Variants in MANBA observed in about 807,000 individuals in gnomAD.
MANBA encodes the protein beta-mannosidase.
A neutral mutation model predicts 111.1 loss-of-function variants in MANBA; 83 were observed. The observed-to-expected ratio is 0.75, with a 90% CI of 0.63 to 0.90. The LOEUF (loss-of-function observed/expected upper bound fraction) is 0.90, where lower values mean the gene tolerates loss of function less well. MANBA is among the 40% of genes least tolerant of loss of function. MANBA has a pLI of 0.00. For missense variants in MANBA, 1,036 were observed against 1,069.0 expected, an observed-to-expected ratio of 0.97 and a Z score of 0.43; for synonymous variants, 370 against 378.7, an observed-to-expected ratio of 0.98 and a Z score of 0.27.
intron 2 of MANBA, among the ~76,000 whole-genome samples, chr4:102,726,191 T>C (rs535539378): frequency 5.7e-4 from 86 of 152,102 alleles, no homozygotes; most frequent in African/African-American, 1.5e-3. Context: ...CTACCTCATA[T>C]GGAAATATTT....
chr4:102,734,465 T>C lies in MANBA; in HGVS notation c.178-7782A>G, dbSNP rs554689060. ...TGGGAGCCATCTTCCAGCTCATCTGTGTGCTGGCCATCATCATACCCATTC... is the reference window on the plus strand; with the variant it reads ...TGGGAGCCATCTTCCAGCTCATCTGCGTGCTGGCCATCATCATACCCATTC... On this transcript the variant is annotated intron_variant, in intron 1 of 16. Transcript: ENST00000647097. 3.5e-5 allele frequency: 56 copies of C among 1,604,664 alleles called. No individual in the cohort carries two copies. In the African/African-American group the frequency reaches 5.7e-4, roughly 16 times the overall value.
At chr4:102,705,843 T>C (rs1029952897) in intron 5 of MANBA, among the ~76,000 whole-genome samples, 2 of 152,122 alleles carry the variant, frequency 1.3e-5, no homozygotes, top group Non-Finnish European at 2.9e-5. Context: ...CCACCACTGT[T>C]GGTACCTCAG....
intron 12 of MANBA, 124 bp from the exon 13 acceptor site, chr4:102,650,825 G>A: frequency 1.3e-6 from 1 of 749,108 alleles, no homozygotes; most frequent in South Asian, 1.6e-5. Flanking sequence ...TTGTTCTGTG[G>A]CTCCAGTTTC....
intron 1 of MANBA, among the ~76,000 whole-genome samples, chr4:102,743,519 G>C (rs1278931050): frequency 1.3e-5 from 2 of 152,150 alleles, no homozygotes; most frequent in African/African-American, 2.4e-5. Flanking sequence ...TCTGTCAACT[G>C]ATAATAGGGA....
At chr4:102,665,166 G>A in intron 10 of MANBA, 1 of 269,228 alleles carries the variant, frequency 3.7e-6, no homozygotes, top group Non-Finnish European at 7.1e-6. Context: ...TCACTCTGTG[G>A]ATTGCCACAA....
chr4:102,638,436 AC>A (rs1206295497), intron 14 of MANBA, among the ~76,000 whole-genome samples: 1 of 148,144 alleles, frequency 6.8e-6, no homozygotes, highest in Non-Finnish European at 1.5e-5. Flanking sequence ...CAACAAAAAA[AC>A]AAAACAAAAC....
chr4:102,681,861 C>G (rs1731993838), intron 7 of MANBA, among the ~76,000 whole-genome samples: 1 of 152,022 alleles, frequency 6.6e-6, no homozygotes, highest in South Asian at 2.1e-4. Flanking sequence ...TAAGAGTACT[C>G]CAGGCCAGGT....
intron 7 of MANBA, among the ~76,000 whole-genome samples, chr4:102,684,013 T>C (rs1732097532): frequency 6.6e-6 from 1 of 152,042 alleles, no homozygotes; most frequent in African/African-American, 2.4e-5. Context: ...CATGATTCCA[T>C]ACATTTCTGC....
Position 102,673,948 on chromosome 4 carries a change from A to G in MANBA, c.1083T>C (p.Asp361=). 1 of 1,611,548 alleles carries G rather than the reference A, an allele frequency of 6.2e-7. No individual in the cohort carries two copies. The change falls in exon 8 of 17, where the codon GAT becomes GAC. Residue 361 remains aspartate, a synonymous_variant. Coordinates refer to ENST00000647097, the MANE Select transcript of MANBA (RefSeq NM_005908.4). ...FLKGSNWIPA[D]SFQDRVTSEL... ...CAGAGGTTACTCGGTCCTGGAATGA[A>G]TCTGCTGGGATCCAGTTTGAGCCTT...
intron 5 of MANBA, among the ~76,000 whole-genome samples, chr4:102,708,057 T>C (rs1322798102): frequency 6.6e-6 from 1 of 152,018 alleles, no homozygotes; most frequent in Non-Finnish European, 1.5e-5. Context: ...AATACAATAA[T>C]AGTGGGGGAT....
chr4:102,705,035 T>C (rs913678719), intron 5 of MANBA, among the ~76,000 whole-genome samples: 1 of 152,168 alleles, frequency 6.6e-6, no homozygotes, highest in Non-Finnish European at 1.5e-5. Flanking sequence ...CCCCTTCAGA[T>C]AGATCACCTA....
At chr4:102,684,979 T>C (rs944212764) in intron 7 of MANBA, among the ~76,000 whole-genome samples, 5 of 152,190 alleles carry the variant, frequency 3.3e-5, no homozygotes, top group African/African-American at 4.8e-5. Context: ...GAGGCACTAC[T>C]GTACCTAAAT....
At chr4:102,713,589 T>A (rs2110272343) in intron 5 of MANBA, among the ~76,000 whole-genome samples, 1 of 152,320 alleles carries the variant, frequency 6.6e-6, no homozygotes, top group Non-Finnish European at 1.5e-5. Flanking sequence ...ACTTAAAAAG[T>A]ACTATTTTTC....
At chr4:102,729,196 C>T in intron 1 of MANBA, 1 of 725,692 alleles carries the variant, frequency 1.4e-6, no homozygotes, top group Non-Finnish European at 2.5e-6. Context: ...AGCCCTCTGG[C>T]CTTTGAGGCC....
At chr4:102,664,071 A>G (rs1371621126) in intron 11 of MANBA, among the ~76,000 whole-genome samples, 1 of 152,240 alleles carries the variant, frequency 6.6e-6, no homozygotes, top group Non-Finnish European at 1.5e-5. Flanking sequence ...TGGCATATCA[A>G]TAATCATCGA....
chr4:102,703,847 G>A (rs1484240439), intron 5 of MANBA, among the ~76,000 whole-genome samples: 8 of 152,156 alleles, frequency 5.3e-5, no homozygotes, highest in Admixed American at 3.3e-4. Context: ...TGTAATCCCA[G>A]CACTCTGGGA....
At chr4:102,690,551 G>C in intron 6 of MANBA, 45 bp downstream of exon 6, 1 of 1,557,176 alleles carries the variant, frequency 6.4e-7, no homozygotes, top group Non-Finnish European at 8.8e-7. Context: ...TTTAGCACAG[G>C]TATTGCTTTT....
At chr4:102,642,036 C>T (rs1729899814) in intron 13 of MANBA, among the ~76,000 whole-genome samples, 1 of 151,944 alleles carries the variant, frequency 6.6e-6, no homozygotes, top group Admixed American at 6.6e-5. Context: ...TCTATCCAAA[C>T]CAGTGGGTAC....
At chr4:102,727,968 G>T in intron 1 of MANBA, 1 of 436,972 alleles carries the variant, frequency 2.3e-6, no homozygotes, top group Non-Finnish European at 4.4e-6. Flanking sequence ...ATGTACGATT[G>T]GTTTTAACTC....
Sources: gnomAD v4.1 joint callset for allele counts (sites outside exome capture counted in the v4.1 genomes callset) on GRCh38, gnomAD v4.1.1 for gene constraint, MANE v1.5 for transcripts, NCBI Gene and HGNC (gene_info 2026-07-23, HGNC 2026-07-21) for gene names.